CALD1: variants seen among roughly 807,000 people sequenced by gnomAD.
CALD1 encodes the protein caldesmon.
CALD1 carries 33 observed loss-of-function variants against 99.9 expected under a neutral mutation model. That is an observed-to-expected ratio of 0.33 (90% CI 0.25 to 0.44). The LOEUF (loss-of-function observed/expected upper bound fraction) is 0.44. Ranked by LOEUF, CALD1 falls within the 20% of genes least tolerant of loss-of-function variation. CALD1 has a pLI of 1.00. For missense variants in CALD1, 861 were observed against 962.1 expected, an observed-to-expected ratio of 0.89 and a Z score of 1.39; for synonymous variants, 310 against 325.0, an observed-to-expected ratio of 0.95 and a Z score of 0.50.
intron 1 of CALD1, among the ~76,000 whole-genome samples, chr7:134,788,653 G>T (rs1465075956): frequency 6.6e-6 from 1 of 152,188 alleles, no homozygotes; most frequent in Non-Finnish European, 1.5e-5. Flanking sequence ...TTTCAGTGCT[G>T]TGATTTGAAC....
At chr7:134,919,375 G>T (rs1003232468) in intron 3 of CALD1, among the ~76,000 whole-genome samples, 8 of 152,164 alleles carry the variant, frequency 5.3e-5, no homozygotes, top group African/African-American at 1.9e-4. Flanking sequence ...GGTATGTGTA[G>T]ACACAAGAAG....
chr7:134,832,115 T>C (rs12668207), intron 1 of CALD1, among the ~76,000 whole-genome samples: 27,461 of 152,212 alleles, frequency 0.18, 2,906 homozygotes, highest in South Asian at 0.3. Flanking sequence ...TAGGGAGTTA[T>C]ACACATGCCC....
At chr7:134,966,443 G>A (rs982292196) in intron 14 of CALD1, among the ~76,000 whole-genome samples, 8 of 152,162 alleles carry the variant, frequency 5.3e-5, no homozygotes, top group African/African-American at 1.7e-4. Flanking sequence ...AACTACTAGC[G>A]CTACAAGTGA....
At chr7:134,736,080 C>T in the CALD1 span, among the ~76,000 whole-genome samples, 1 of 152,184 alleles carries the variant, frequency 6.6e-6, no homozygotes, top group African/African-American at 2.4e-5. Context: ...CTCATTGCTT[C>T]CTGCATACAG....
chr7:134,807,054 C>T (rs1268595041), intron 1 of CALD1, among the ~76,000 whole-genome samples: 3 of 151,264 alleles, frequency 2.0e-5, no homozygotes, highest in Non-Finnish European at 1.5e-5. Context: ...GACATGACAG[C>T]TGTGGTCGGA....
chr7:134,887,191 T>C (rs1197472050), intron 3 of CALD1, among the ~76,000 whole-genome samples: 1 of 152,162 alleles, frequency 6.6e-6, no homozygotes, highest in East Asian at 1.9e-4. Flanking sequence ...CAGCAGCTCC[T>C]GCATTCAAGA....
intron 1 of CALD1, among the ~76,000 whole-genome samples, chr7:134,769,266 G>C (rs1347110878): frequency 6.6e-6 from 1 of 151,944 alleles, no homozygotes; most frequent in South Asian, 2.1e-4. Context: ...GTCCCAAGAG[G>C]ATATACCTAG....
chr7:134,940,660 T>C (rs1806358154), intron 6 of CALD1, among the ~76,000 whole-genome samples: 1 of 152,226 alleles, frequency 6.6e-6, no homozygotes, highest in Admixed American at 6.5e-5. Context: ...CTTTCCCATT[T>C]GTGTCTCTCT....
At chr7:134,962,672 A>G (rs1808368974) in intron 13 of CALD1, 1 of 364,182 alleles carries the variant, frequency 2.7e-6, no homozygotes. Context: ...ATTTCAGTGT[A>G]ACTTTGTAAC....
intron 1 of CALD1, among the ~76,000 whole-genome samples, chr7:134,802,955 A>G (rs1798001902): frequency 6.6e-6 from 1 of 152,234 alleles, no homozygotes; most frequent in Non-Finnish European, 1.5e-5. Context: ...TTGTCTTTAC[A>G]AGAAATTGCC....
intron 11 of CALD1, among the ~76,000 whole-genome samples, chr7:134,958,872 AATATATAT>A (rs58837080): frequency 0.044 from 5,461 of 124,780 alleles, 145 homozygotes; most frequent in African/African-American, 0.058. Context: ...CTGGTATTTA[AATATATAT>A]ATATATATAT....
chr7:134,742,864 T>G (rs775415547), upstream of CALD1, among the ~76,000 whole-genome samples: 3 of 152,178 alleles, frequency 2.0e-5, no homozygotes, highest in Non-Finnish European at 2.9e-5. Flanking sequence ...AGGTTAGGAC[T>G]GCAGAGAGAT....
chr7:134,966,180 C>G (rs1456740558), intron 14 of CALD1, among the ~76,000 whole-genome samples: 1 of 152,176 alleles, frequency 6.6e-6, no homozygotes, highest in South Asian at 2.1e-4. Flanking sequence ...TAAACAGAAG[C>G]ACTTCGTAAG....
chr7:134,854,112 T>C (rs1800199223), intron 2 of CALD1, among the ~76,000 whole-genome samples: 1 of 152,194 alleles, frequency 6.6e-6, no homozygotes, highest in African/African-American at 2.4e-5. Context: ...CAGTCTATCA[T>C]TGATGGACAT....
At chr7:134,901,405 C>T (rs778463654) in intron 3 of CALD1, among the ~76,000 whole-genome samples, 2 of 152,014 alleles carry the variant, frequency 1.3e-5, no homozygotes, top group African/African-American at 2.4e-5. Flanking sequence ...GTGCCTGGTG[C>T]TTACTCAGTG....
intron 7 of CALD1, among the ~76,000 whole-genome samples, chr7:134,946,164 A>C (rs1175524273): frequency 6.6e-6 from 1 of 152,158 alleles, no homozygotes; most frequent in Non-Finnish European, 1.5e-5. Context: ...TAATATTTAT[A>C]CTGTAGATGA....
intron 1 of CALD1, among the ~76,000 whole-genome samples, chr7:134,780,133 A>C (rs1318428805): frequency 3.3e-5 from 5 of 152,204 alleles, no homozygotes; most frequent in Non-Finnish European, 7.3e-5. Context: ...TGCATCTTTT[A>C]TTGCCAAAGA....
intron 1 of CALD1, among the ~76,000 whole-genome samples, chr7:134,837,219 C>A (rs1799479631): frequency 6.6e-6 from 1 of 152,020 alleles, no homozygotes; most frequent in Admixed American, 6.6e-5. Context: ...TGCAGAATAA[C>A]AAAGAAGGCA....
chr7:134,722,244 T>C, the CALD1 span, among the ~76,000 whole-genome samples: 19 of 152,284 alleles, frequency 1.2e-4, no homozygotes, highest in African/African-American at 4.1e-4. Context: ...GTTCCTTTCC[T>C]CCGGCCAAGT....
Sources: gnomAD v4.1 joint callset for allele counts (sites outside exome capture counted in the v4.1 genomes callset) on GRCh38, gnomAD v4.1.1 for gene constraint, MANE v1.5 for transcripts, NCBI Gene and HGNC (gene_info 2026-07-23, HGNC 2026-07-21) for gene names.